PCDHA5: variants seen among roughly 807,000 people sequenced by gnomAD.
The protein encoded by PCDHA5 is protocadherin alpha 5.
PCDHA5 carries 43 observed loss-of-function variants against 61.6 expected under a neutral mutation model. The observed-to-expected ratio is 0.70, with a 90% CI of 0.55 to 0.90. The LOEUF (loss-of-function observed/expected upper bound fraction) is 0.90, where lower values mean the gene tolerates loss of function less well. Among genes scored for constraint, PCDHA5 ranks in the 40% least tolerant of loss-of-function variants. The pLI, the probability that PCDHA5 is intolerant of heterozygous loss-of-function variation, is 0.00. For synonymous variants in PCDHA5, 627 were observed against 543.9 expected (o/e 1.15, Z -2.13); for missense variants, 1,298 against 1,222.7 (o/e 1.06, Z -0.92).
intron 1 of PCDHA5, among the ~76,000 whole-genome samples, chr5:140,913,921 C>T (rs782350245): frequency 1.4e-4 from 22 of 152,018 alleles, no homozygotes; most frequent in South Asian, 1.2e-3. Flanking sequence ...AATTTTACTT[C>T]ATTGTGGTCA....
chr5:140,916,406 G>A (rs988786781), intron 1 of PCDHA5, among the ~76,000 whole-genome samples: 1 of 152,186 alleles, frequency 6.6e-6, no homozygotes, highest in Admixed American at 6.5e-5. Flanking sequence ...GATCACACCT[G>A]AAGTCAGCAC....
At chr5:140,868,885 TA>T in intron 1 of PCDHA5, 1 of 733,950 alleles carries the variant, frequency 1.4e-6, no homozygotes, top group East Asian at 2.8e-5. Flanking sequence ...CTCACAGTTT[TA>T]GGCGCAAGGT....
intron 1 of PCDHA5, among the ~76,000 whole-genome samples, chr5:140,970,978 A>G (rs2096449048): frequency 1.3e-5 from 2 of 152,188 alleles, no homozygotes; most frequent in African/African-American, 4.8e-5. Flanking sequence ...ATTAAGAAAA[A>G]TGGGGGAATA....
At chr5:140,886,899 A>G (rs1054848231) in intron 1 of PCDHA5, among the ~76,000 whole-genome samples, 1 of 152,020 alleles carries the variant, frequency 6.6e-6, no homozygotes, top group Admixed American at 6.6e-5. Flanking sequence ...AATGCATTTA[A>G]TAAATACTTA....
chr5:141,010,105 G>A lies in PCDHA5; in HGVS notation c.*168G>A. 6.2e-7 allele frequency: 1 copy of A among 1,612,150 alleles called. No homozygotes were observed. Among genetic ancestry groups the A allele is most frequent in the African/African-American group, 1.3e-5 (1 of 74,962 alleles). The stretch of plus-strand genomic sequence containing the variant: ...GTCTAGAACGCATTTAACAGGTTTT[G>A]TCGTAAAAGCTTTACTAAGTCTGGT... On this transcript the variant is annotated 3_prime_UTR_variant, in exon 4 of 4. Transcript: ENST00000529859.
intron 1 of PCDHA5, chr5:140,843,873 T>C (rs1554140466): frequency 1.3e-6 from 1 of 797,276 alleles, no homozygotes; most frequent in Admixed American, 3.0e-5. Context: ...ATTTTCTCAG[T>C]GGCATAATAC....
intron 1 of PCDHA5, among the ~76,000 whole-genome samples, chr5:140,937,181 G>A (rs573153234): frequency 5.3e-5 from 8 of 151,984 alleles, no homozygotes; most frequent in African/African-American, 1.9e-4. Context: ...GGGACTACAG[G>A]CGCCCGCCAC....
chr5:140,954,161 C>G (rs2094990748), intron 1 of PCDHA5, among the ~76,000 whole-genome samples: 1 of 152,200 alleles, frequency 6.6e-6, no homozygotes, highest in African/African-American at 2.4e-5. Context: ...ATATGTACCA[C>G]ATTTTCTTTA....
chr5:140,870,792 A>G (rs782032105), intron 1 of PCDHA5: 5 of 1,613,658 alleles, frequency 3.1e-6, no homozygotes, highest in East Asian at 2.2e-5. Flanking sequence ...ACGCGCCGGC[A>G]CTGCTGGCGA....
At chr5:140,828,511 G>C in intron 1 of PCDHA5, 1 of 1,614,248 alleles carries the variant, frequency 6.2e-7, no homozygotes, top group Non-Finnish European at 8.5e-7. Flanking sequence ...AACAAAGAGT[G>C]CTGATTTACG....
At chr5:140,828,142 G>T in intron 1 of PCDHA5, 1 of 1,613,968 alleles carries the variant, frequency 6.2e-7, no homozygotes, top group Non-Finnish European at 8.5e-7. Flanking sequence ...TGCTCCTCCC[G>T]CTTCTGCTCC....
At chr5:140,870,507 A>C (rs782584168) in intron 1 of PCDHA5, 1 of 1,614,128 alleles carries the variant, frequency 6.2e-7, no homozygotes, top group Non-Finnish European at 8.5e-7. Context: ...AGAACAACCC[A>C]CCAGGCTGCC....
At chr5:140,959,602 C>CTT (rs1554224184) in intron 1 of PCDHA5, among the ~76,000 whole-genome samples, 1 of 152,008 alleles carries the variant, frequency 6.6e-6, no homozygotes, top group African/African-American at 2.4e-5. Context: ...GTATAACATG[C>CTT]TTTTCTTGCT....
intron 1 of PCDHA5, chr5:140,859,978 C>T (rs1554152894): frequency 6.6e-6 from 1 of 151,802 alleles, no homozygotes. Context: ...TATACAAGTG[C>T]ATTAATCTCT....
intron 1 of PCDHA5, chr5:140,876,403 G>A (rs1361779592): frequency 1.2e-6 from 2 of 1,613,820 alleles, no homozygotes. Context: ...ACTGGATTTT[G>A]AAGAGAATAA....
At chr5:140,871,549 T>C (rs1554165727) in intron 1 of PCDHA5, 6 of 1,496,034 alleles carry the variant, frequency 4.0e-6, no homozygotes, top group Non-Finnish European at 5.4e-6. Flanking sequence ...TTATTTAAAA[T>C]CCAGTTTTTT....
Position 140,969,197 on chromosome 5 carries a change from A to G in PCDHA5, c.2353-9752A>G, listed in dbSNP as rs782342139. 4 of 1,614,132 alleles carry G rather than the reference A, an allele frequency of 2.5e-6. No individual in the cohort carries two copies. In the South Asian group the frequency reaches 4.4e-5, roughly 18 times the overall value. On this transcript the variant is annotated intron_variant, in intron 1 of 3. Coordinates refer to ENST00000529859, the MANE Select transcript of PCDHA5 (RefSeq NM_018908.3). ...GAGTGACACTTTCATGTTTTACAAT[A>G]CAGGGGCCCAGACAGGACCAGGGCC...
chr5:140,835,129 T>G (rs2150231206), intron 1 of PCDHA5: 1 of 1,358,528 alleles, frequency 7.4e-7, no homozygotes, highest in East Asian at 2.5e-5. Context: ...CTGTATACGG[T>G]GAAATTACCA....
intron 1 of PCDHA5, chr5:140,852,515 A>G (rs1258070118): frequency 9.7e-6 from 3 of 310,304 alleles, no homozygotes; most frequent in African/African-American, 6.9e-5. Flanking sequence ...TGACCTTGTG[A>G]TGCTCCCACC....
Sources: allele counts gnomAD v4.1 joint callset (sites outside exome capture counted in the v4.1 genomes callset), GRCh38; gene constraint gnomAD v4.1.1; transcripts MANE v1.5; gene names NCBI Gene and HGNC (gene_info 2026-07-23, HGNC 2026-07-21).